The following ADAMTS20 variants were observed in gnomAD, a reference collection of about 807,000 sequenced individuals.
ADAMTS20 encodes the protein ADAM metallopeptidase with thrombospondin type 1 motif 20, also known as A disintegrin and metalloproteinase with thrombospondin motifs 20.
ADAMTS20 carries 225 observed loss-of-function variants against 260.1 expected under a neutral mutation model. The ratio of observed to expected loss-of-function variants is 0.87; its 90% CI spans 0.78 to 0.97. ADAMTS20 has a LOEUF of 0.97. ADAMTS20 is among the 50% of genes least tolerant of loss of function. ADAMTS20 has a pLI of 0.00. For synonymous variants in ADAMTS20, 802 were observed against 769.5 expected (o/e 1.04, Z -0.70); for missense variants, 2,400 against 2,337.7 (o/e 1.03, Z -0.55).
At chr12:43,401,246 T>C (rs972838824) in intron 28 of ADAMTS20, among the ~76,000 whole-genome samples, 3 of 151,982 alleles carry the variant, frequency 2.0e-5, no homozygotes, top group Admixed American at 2.0e-4. Flanking sequence ...AATGGTCTTA[T>C]GTGTATGTTT....
chr12:43,506,771 C>A (rs1406389101), intron 3 of ADAMTS20, among the ~76,000 whole-genome samples: 1 of 142,970 alleles, frequency 7.0e-6, no homozygotes, highest in East Asian at 2.3e-4. Context: ...AGCCACCGTG[C>A]CTGGCCACCT....
intron 15 of ADAMTS20, among the ~76,000 whole-genome samples, chr12:43,445,158 T>C (rs985278451): frequency 5.9e-5 from 9 of 152,216 alleles, no homozygotes; most frequent in African/African-American, 2.2e-4. Flanking sequence ...ATGTGACAAA[T>C]GCTAATCAGA....
chr12:43,534,738 A>G (rs889166141), intron 2 of ADAMTS20, among the ~76,000 whole-genome samples: 4 of 152,214 alleles, frequency 2.6e-5, no homozygotes, highest in African/African-American at 9.6e-5. Flanking sequence ...ACTAAACAGA[A>G]TGTATACTTC....
chr12:43,470,171 T>C (rs1942228857), intron 7 of ADAMTS20, among the ~76,000 whole-genome samples: 1 of 152,192 alleles, frequency 6.6e-6, no homozygotes, highest in Non-Finnish European at 1.5e-5. Context: ...ATCATCTTAT[T>C]ATATGTTTCT....
In ADAMTS20 at chr12:43,453,981, C is replaced by T; in HGVS notation, c.1686G>A (p.Trp562Ter). 1 of 1,613,638 alleles carries T rather than the reference C, an allele frequency of 6.2e-7. No individual in the cohort carries two copies. Among genetic ancestry groups the T allele is most frequent in the Non-Finnish European group, 8.5e-7 (1 of 1,179,760 alleles). The stretch of plus-strand genomic sequence containing the variant: ...TTCTTGAACAAGAACTGTAAGGTTC[C>T]CATGGTCCCCATTCACCATTTACAG... Reference protein sequence around the residue: ...TRPVNGEWGPWEPYSSCSRTC... With the variant: ...TRPVNGEWGP The change falls in exon 12 of 39, where the codon TGG (tryptophan) becomes TGA (stop). Residue 562 changes from tryptophan to a stop codon, truncating the protein, a stop_gained. Coordinates refer to ENST00000389420, the MANE Select transcript of ADAMTS20 (RefSeq NM_025003.5). LOFTEE classifies it high-confidence loss of function.
intron 11 of ADAMTS20, among the ~76,000 whole-genome samples, chr12:43,459,275 G>A (rs114514132): frequency 0.015 from 2,269 of 152,220 alleles, 67 homozygotes; most frequent in African/African-American, 0.052. Context: ...GCCCATTGCC[G>A]CTCCCCACAG....
chr12:43,546,561 C>T (rs570300974), intron 2 of ADAMTS20, among the ~76,000 whole-genome samples: 1 of 152,202 alleles, frequency 6.6e-6, no homozygotes, highest in Non-Finnish European at 1.5e-5. Context: ...CAAGTATATG[C>T]CAACTTATTA....
intron 2 of ADAMTS20, among the ~76,000 whole-genome samples, chr12:43,537,184 C>G (rs1246183702): frequency 6.6e-6 from 1 of 151,958 alleles, no homozygotes; most frequent in Admixed American, 6.6e-5. Context: ...ATCCCCCCAC[C>G]TCAGCCTCCC....
At chr12:43,504,772 T>C (rs558026417) in intron 3 of ADAMTS20, among the ~76,000 whole-genome samples, 1 of 152,188 alleles carries the variant, frequency 6.6e-6, no homozygotes, top group Non-Finnish European at 1.5e-5. Context: ...ATAGTAAAGA[T>C]AAAATTTCAG....
chr12:43,375,930 A>T, intron 35 of ADAMTS20, 127 bp downstream of exon 35: 1 of 706,384 alleles, frequency 1.4e-6, no homozygotes. Flanking sequence ...AGGTCCTAAC[A>T]TGTCTACCTG....
chr12:43,489,990 TA>T (rs1460276121), intron 7 of ADAMTS20, among the ~76,000 whole-genome samples: 1 of 152,004 alleles, frequency 6.6e-6, no homozygotes, highest in African/African-American at 2.4e-5. Context: ...AAGGAATTGG[TA>T]AATACAAAAT....
At chr12:43,415,909 C>T (rs1340860123) in intron 28 of ADAMTS20, among the ~76,000 whole-genome samples, 1 of 152,208 alleles carries the variant, frequency 6.6e-6, no homozygotes, top group Non-Finnish European at 1.5e-5. Context: ...ATGGGCCCTT[C>T]ACACTGCAAT....
chr12:43,399,200 G>A lies in ADAMTS20; in HGVS notation c.4318C>T (p.Arg1440Cys), dbSNP rs766317218. ...SASCGKGRKY[R>C]EVFCIDQFQR... is the part of the protein sequence containing the mutation. ...AATTGGTCAATGCAAAACACTTCAC[G>A]GTACTTTCTACCTTTACCACAAGAA... The change falls in exon 29 of 39, where the codon CGT becomes TGT. Residue 1440 changes from arginine (R) to cysteine (C), a missense_variant. Transcript: ENST00000389420. 15 of 1,567,782 alleles carry A rather than the reference G, an allele frequency of 9.6e-6. No individual in the cohort carries two copies. Among genetic ancestry groups the A allele is most frequent in the Admixed American group, 1.9e-5 (1 of 52,914 alleles).
intron 14 of ADAMTS20, among the ~76,000 whole-genome samples, chr12:43,446,987 A>G (rs949987436): frequency 2.0e-5 from 3 of 152,094 alleles, no homozygotes; most frequent in Admixed American, 6.6e-5. Flanking sequence ...TCTGAAATGG[A>G]ATCAGTAATA....
At chr12:43,392,694 CTTAG>C (rs1327809902) in intron 29 of ADAMTS20, among the ~76,000 whole-genome samples, 1 of 152,046 alleles carries the variant, frequency 6.6e-6, no homozygotes, top group Non-Finnish European at 1.5e-5. Flanking sequence ...CAAATCTTTT[CTTAG>C]TTAATCTCCC....
chr12:43,455,418 T>A (rs1344684974), intron 11 of ADAMTS20, among the ~76,000 whole-genome samples: 1 of 152,180 alleles, frequency 6.6e-6, no homozygotes, highest in Non-Finnish European at 1.5e-5. Context: ...AGATAGCACC[T>A]TGCACACTGC....
At chr12:43,416,624 C>A (rs1452199209) in intron 28 of ADAMTS20, among the ~76,000 whole-genome samples, 1 of 151,500 alleles carries the variant, frequency 6.6e-6, no homozygotes, top group Non-Finnish European at 1.5e-5. Flanking sequence ...CCCAGGTTCA[C>A]ACCATTCTCC....
chr12:43,526,653 C>T (rs892798799), intron 3 of ADAMTS20, among the ~76,000 whole-genome samples: 8 of 152,112 alleles, frequency 5.3e-5, no homozygotes, highest in East Asian at 1.9e-4. Context: ...AATAGTGACA[C>T]AAGTTATCAA....
chr12:43,551,176 G>A lies in ADAMTS20; in HGVS notation c.186C>T (p.Ser62=), dbSNP rs878952129. 6.2e-7 allele frequency: 1 copy of A among 1,613,946 alleles called. No homozygotes were observed. The highest frequency in any genetic ancestry group is 1.3e-5 in the African/African-American group (1 of 75,036). Residue 62 remains serine (S), a synonymous_variant, in exon 2 of 39, where the codon AGC becomes AGT. Coordinates refer to ENST00000389420, the MANE Select transcript of ADAMTS20 (RefSeq NM_025003.5). The surrounding 1 kb of genome is among the most constrained non-coding windows in gnomAD (Gnocchi z 4.6). ...GEVFPQSHHF[S]RQKRSSEALE... Reference sequence around the variant, plus strand: ...GCGCCTCGGAGCTGCGTTTCTGCCGGCTGAAGTGGTGGCTCTGAGGGAACA... The same window carrying A: ...GCGCCTCGGAGCTGCGTTTCTGCCGACTGAAGTGGTGGCTCTGAGGGAACA...
Sources: gnomAD v4.1 joint callset for allele counts (sites outside exome capture counted in the v4.1 genomes callset) on GRCh38, gnomAD v4.1.1 for gene constraint, Gnocchi (gnomAD v3.1) non-coding constraint, MANE v1.5 for transcripts, NCBI Gene and HGNC (gene_info 2026-07-23, HGNC 2026-07-21) for gene names.